Variants in SPOP observed in about 807,000 individuals in gnomAD.
SPOP encodes the protein speckle-type POZ protein.
In SPOP, 11 loss-of-function variants were observed where a neutral mutation model predicts 45.6. That is an observed-to-expected ratio of 0.24 (90% CI 0.15 to 0.40). SPOP has a LOEUF of 0.40. Ranked by LOEUF, SPOP falls within the 10% of genes least tolerant of loss-of-function variation. SPOP has a pLI of 1.00. For synonymous variants in SPOP, 166 were observed against 166.3 expected (o/e 1.00, Z 0.01); for missense variants, 152 against 465.6 (o/e 0.33, Z 6.20).
intron 1 of SPOP, among the ~76,000 whole-genome samples, chr17:49,649,202 G>A (rs2072804866): frequency 6.6e-6 from 1 of 152,076 alleles, no homozygotes; most frequent in Non-Finnish European, 1.5e-5. Context: ...AGAAGCGGTG[G>A]TGTCCCATTA....
intron 1 of SPOP, among the ~76,000 whole-genome samples, chr17:49,627,479 T>C (rs756619407): frequency 5.9e-4 from 90 of 152,306 alleles, no homozygotes; most frequent in Admixed American, 7.2e-4. Context: ...AGGGTGGCAA[T>C]GAAGGTTTGA....
intron 7 of SPOP, 152 bp from the exon 8 acceptor site, chr17:49,607,524 T>C (rs1286553597): frequency 8.8e-6 from 9 of 1,022,178 alleles, no homozygotes; most frequent in Non-Finnish European, 1.2e-5. Flanking sequence ...GGCTTGATTA[T>C]AATAGCCTTT....
intron 1 of SPOP, among the ~76,000 whole-genome samples, chr17:49,669,358 C>T (rs1045835077): frequency 4.7e-5 from 7 of 148,912 alleles, no homozygotes; most frequent in African/African-American, 7.5e-5. Flanking sequence ...TGAGCCACCA[C>T]GCCCAGCCTA....
intron 1 of SPOP, among the ~76,000 whole-genome samples, chr17:49,651,163 T>C (rs934688284): frequency 7.2e-5 from 11 of 152,180 alleles, no homozygotes; most frequent in Admixed American, 5.9e-4. Context: ...ATTCAGGATA[T>C]TGGGTCCAAT....
At chr17:49,654,430 T>C (rs886925380) in intron 1 of SPOP, among the ~76,000 whole-genome samples, 12 of 152,242 alleles carry the variant, frequency 7.9e-5, no homozygotes, top group Non-Finnish European at 1.5e-4. Flanking sequence ...ATGTCTGGCA[T>C]GTAGTAGATA....
rs1383728357 is a variant in SPOP, at chr17:49,619,490, C to T, written c.201-105G>A. ...ATGTTTAAAAAACAAATGCAGGCCC[C>T]ATAGAAGAATATAATTCAGTAGAAT... On this transcript the variant is annotated intron_variant, in intron 3 of 9. Transcript: ENST00000504102. This position sits in a 1 kb window ranked among gnomAD's most constrained non-coding sequence, Gnocchi z 4.9. 8.0e-7 allele frequency: 1 copy of T among 1,256,054 alleles called. No homozygotes were observed. The highest frequency in any genetic ancestry group is 1.5e-5 in the African/African-American group (1 of 66,026). The allele number at this position is 1,256,054 out of a possible 1,614,324, so 77.8% of individuals were successfully genotyped here.
chr17:49,627,071 G>A (rs1043196152), intron 1 of SPOP, among the ~76,000 whole-genome samples: 3 of 152,132 alleles, frequency 2.0e-5, no homozygotes, highest in African/African-American at 4.8e-5. Context: ...GGATGGTCTC[G>A]ATCTCCTGAC....
At chr17:49,650,709 T>C (rs1597968308) in intron 1 of SPOP, among the ~76,000 whole-genome samples, 1 of 152,188 alleles carries the variant, frequency 6.6e-6, no homozygotes, top group Non-Finnish European at 1.5e-5. Context: ...ATAGTAAAAA[T>C]TGACAAAACT....
intron 1 of SPOP, chr17:49,636,759 C>T (rs2072549304): frequency 6.6e-6 from 1 of 152,036 alleles, no homozygotes; most frequent in Non-Finnish European, 1.5e-5. Flanking sequence ...AAAAACTCAC[C>T]AAGTTAAGTC....
intron 3 of SPOP, among the ~76,000 whole-genome samples, chr17:49,621,527 TCTTG>T (rs1454078146): frequency 6.6e-6 from 1 of 152,234 alleles, no homozygotes; most frequent in Non-Finnish European, 1.5e-5. Flanking sequence ...AATCTAGATT[TCTTG>T]CTTTTCTTGA....
intron 1 of SPOP, among the ~76,000 whole-genome samples, chr17:49,650,597 TAATA>T (rs767193511): frequency 6.6e-6 from 1 of 152,016 alleles, no homozygotes; most frequent in African/African-American, 2.4e-5. Context: ...ATAATAACAA[TAATA>T]AATAAATAAG....
At chr17:49,639,618 AAAG>A (rs563221558) in intron 1 of SPOP, among the ~76,000 whole-genome samples, 23 of 152,372 alleles carry the variant, frequency 1.5e-4, no homozygotes, top group South Asian at 1.2e-3. Flanking sequence ...GTTCTTCCTG[AAAG>A]AAGACATAAA....
chr17:49,613,883 T>C (rs2072028033), intron 5 of SPOP, among the ~76,000 whole-genome samples: 1 of 152,222 alleles, frequency 6.6e-6, no homozygotes, highest in Non-Finnish European at 1.5e-5. Flanking sequence ...TTTTTTTTAA[T>C]GCCTATAAAG....
intron 1 of SPOP, among the ~76,000 whole-genome samples, chr17:49,676,992 T>C (rs767426150): frequency 7.0e-4 from 106 of 152,266 alleles, no homozygotes; most frequent in Admixed American, 7.8e-4. Flanking sequence ...ACCAATAAGG[T>C]ACAGATAAAA....
At chr17:49,618,864 C>G in intron 5 of SPOP, 117 bp downstream of exon 5, 1 of 1,230,768 alleles carries the variant, frequency 8.1e-7, no homozygotes, top group Admixed American at 2.3e-5. Flanking sequence ...AACATTTGTG[C>G]AGCACTACTC....
At chr17:49,638,482 G>C (rs1246356967) in intron 1 of SPOP, among the ~76,000 whole-genome samples, 1 of 152,064 alleles carries the variant, frequency 6.6e-6, no homozygotes, top group African/African-American at 2.4e-5. Context: ...CCAGCTACTG[G>C]GGAGGCTGAG....
intron 1 of SPOP, among the ~76,000 whole-genome samples, chr17:49,635,915 T>G (rs1487609986): frequency 6.6e-6 from 1 of 152,100 alleles, no homozygotes; most frequent in Admixed American, 6.6e-5. Context: ...ATTATAGGTG[T>G]GAGCCACCGC....
chr17:49,619,267 G>GGATGGAGAATTT lies in SPOP; in HGVS notation c.307_318dup (p.Lys103_Ile106dup), dbSNP rs1308009290. 6.2e-7 allele frequency: 1 copy of GGATGGAGAATTT among 1,614,204 alleles called. No homozygotes were observed. The highest frequency in any genetic ancestry group is 8.5e-7 in the Non-Finnish European group (1 of 1,180,038). ...TTGGTTTCTTCTCCCTTGGCATTCA[G>GGATGGAGAATTT]GATGGAGAATTTGAATTTTGCCCGA... On this transcript the variant is annotated inframe_insertion, in exon 4 of 10. Coordinates refer to ENST00000504102, the MANE Select transcript of SPOP (RefSeq NM_001007228.2). This position sits in a 1 kb window ranked among gnomAD's most constrained non-coding sequence, Gnocchi z 4.9.
At chr17:49,606,647 T>C (rs1176869846) in intron 8 of SPOP, among the ~76,000 whole-genome samples, 1 of 151,542 alleles carries the variant, frequency 6.6e-6, no homozygotes, top group Non-Finnish European at 1.5e-5. Flanking sequence ...GTGTGCACCA[T>C]CATGCCTAGC....
Sources: allele counts gnomAD v4.1 joint callset (sites outside exome capture counted in the v4.1 genomes callset), GRCh38; gene constraint gnomAD v4.1.1; non-coding constraint Gnocchi (gnomAD v3.1); transcripts MANE v1.5; gene names NCBI Gene and HGNC (gene_info 2026-07-23, HGNC 2026-07-21).